EGFR: variants seen among roughly 807,000 people sequenced by gnomAD.
EGFR encodes the protein epidermal growth factor receptor.
In EGFR, 58 loss-of-function variants were observed where a neutral mutation model predicts 143.0. The ratio of observed to expected loss-of-function variants is 0.41; its 90% CI spans 0.33 to 0.50. The LOEUF is 0.50. Among genes scored for constraint, EGFR ranks in the 20% least tolerant of loss-of-function variants. The probability of loss-of-function intolerance (pLI) is 0.39; values close to 1 mark genes in which losing one functional copy is unlikely to be tolerated. For synonymous variants in EGFR, 613 were observed against 594.4 expected (o/e 1.03, Z -0.45); for missense variants, 1,307 against 1,579.0 (o/e 0.83, Z 2.92).
intron 1 of EGFR, chr7:55,119,311 G>A (rs1365455715): frequency 6.6e-6 from 1 of 152,180 alleles, no homozygotes; most frequent in Admixed American, 6.5e-5. Context: ...CTGGATGTCA[G>A]ACTCTCCTGG....
At chr7:55,188,371 A>C (rs1435127992) in intron 20 of EGFR, among the ~76,000 whole-genome samples, 1 of 151,828 alleles carries the variant, frequency 6.6e-6, no homozygotes, top group Non-Finnish European at 1.5e-5. Context: ...AAGGTCAAAC[A>C]CAGCCCCCGC....
intron 22 of EGFR, among the ~76,000 whole-genome samples, chr7:55,198,216 G>A (rs987954347): frequency 1.3e-5 from 2 of 152,102 alleles, no homozygotes; most frequent in Non-Finnish European, 2.9e-5. Context: ...GTTTCTTCCT[G>A]AGGTTTTTAT....
chr7:55,019,896 C>G (rs899342291), intron 1 of EGFR, among the ~76,000 whole-genome samples: 7 of 152,188 alleles, frequency 4.6e-5, no homozygotes, highest in African/African-American at 1.7e-4. Flanking sequence ...CCCCGCGGGA[C>G]AGGCGGCTTT....
intron 20 of EGFR, among the ~76,000 whole-genome samples, chr7:55,188,416 C>A (rs542991648): frequency 2.6e-5 from 4 of 152,200 alleles, no homozygotes; most frequent in Non-Finnish European, 5.9e-5. Flanking sequence ...GAATAAGCCC[C>A]GACAGCCATG....
chr7:55,120,242 G>T (rs756426945), intron 1 of EGFR, among the ~76,000 whole-genome samples: 2 of 152,176 alleles, frequency 1.3e-5, no homozygotes, highest in African/African-American at 4.8e-5. Flanking sequence ...CAGTGTTGGG[G>T]GACGCCACCC....
intron 1 of EGFR, among the ~76,000 whole-genome samples, chr7:55,027,991 A>AAATAAATAT (rs1554311534): frequency 3.6e-5 from 2 of 54,990 alleles, no homozygotes; most frequent in Non-Finnish European, 3.7e-5. Context: ...AAAAAAAAAA[A>AAATAAATAT]ATATATATAT....
At chr7:55,188,619 G>C (rs1316538115) in intron 20 of EGFR, among the ~76,000 whole-genome samples, 1 of 152,212 alleles carries the variant, frequency 6.6e-6, no homozygotes, top group East Asian at 1.9e-4. Context: ...AGGCCCCGCT[G>C]AGGCTTTGTT....
At chr7:55,131,559 G>A (rs1387043694) in intron 1 of EGFR, among the ~76,000 whole-genome samples, 1 of 152,156 alleles carries the variant, frequency 6.6e-6, no homozygotes, top group East Asian at 1.9e-4. Flanking sequence ...AGACCTTAGG[G>A]TCGGCTTAGA....
chr7:55,060,966 T>C (rs555199931), intron 1 of EGFR, among the ~76,000 whole-genome samples: 3 of 152,354 alleles, frequency 2.0e-5, no homozygotes, highest in East Asian at 3.9e-4. Flanking sequence ...CTTTATGTTC[T>C]GCTACCTGCC....
chr7:55,020,113 G>A (rs1040954680), intron 1 of EGFR, among the ~76,000 whole-genome samples: 2 of 152,224 alleles, frequency 1.3e-5, no homozygotes, highest in Non-Finnish European at 2.9e-5. Context: ...TAGTTTCCTC[G>A]TTGGCAAAAG....
chr7:55,086,200 G>T (rs748022459), intron 1 of EGFR, among the ~76,000 whole-genome samples: 5 of 152,192 alleles, frequency 3.3e-5, no homozygotes, highest in Non-Finnish European at 7.3e-5. Context: ...TAAGTAATTT[G>T]CTCGAGTTAA....
intron 1 of EGFR, among the ~76,000 whole-genome samples, chr7:55,116,095 A>C (rs143706430): frequency 6.6e-6 from 1 of 152,370 alleles, no homozygotes; most frequent in East Asian, 1.9e-4. Flanking sequence ...ACCTGAAAAC[A>C]TGCTTTCCCC....
At chr7:55,106,859 T>C (rs983964982) in intron 1 of EGFR, among the ~76,000 whole-genome samples, 2 of 152,198 alleles carry the variant, frequency 1.3e-5, no homozygotes, top group Non-Finnish European at 2.9e-5. Context: ...GAGATCCTGG[T>C]AAAAATCTAT....
At position 55,207,473 on chromosome 7, in the gene EGFR, C is replaced by T. The variant is rs777979455; in HGVS notation, c.*1856C>T. 5.3e-6 allele frequency: 1 copy of T among 187,042 alleles called. No individual in the cohort carries two copies. The highest frequency in any genetic ancestry group is 2.3e-5 in the African/African-American group (1 of 42,728). 11.6% of individuals were successfully genotyped at this position (187,042 alleles called of 1,614,324 possible). ...AGGAAATGGACTCATAGATGCTAACCTTAAAACAACGTGACAAATGCCAGA... is the reference window on the plus strand; with the variant it reads ...AGGAAATGGACTCATAGATGCTAACTTTAAAACAACGTGACAAATGCCAGA... On this transcript the variant is annotated 3_prime_UTR_variant, in exon 28 of 28. Transcript: ENST00000275493.
intron 20 of EGFR, among the ~76,000 whole-genome samples, chr7:55,183,077 C>T (rs556454655): frequency 2.0e-5 from 3 of 152,296 alleles, no homozygotes; most frequent in Admixed American, 1.3e-4. Context: ...TCCTTCCTGC[C>T]TCTCTGGCTT....
intron 1 of EGFR, among the ~76,000 whole-genome samples, chr7:55,035,023 C>A (rs1029493806): frequency 2.6e-5 from 4 of 152,162 alleles, no homozygotes; most frequent in Non-Finnish European, 4.4e-5. Flanking sequence ...TGGCATGTGA[C>A]ACACTTGAGA....
At chr7:55,065,240 A>T (rs1359681638) in intron 1 of EGFR, among the ~76,000 whole-genome samples, 2 of 152,172 alleles carry the variant, frequency 1.3e-5, no homozygotes, top group Admixed American at 6.5e-5. Context: ...TTTAATGCAT[A>T]AACACTGAGA....
intron 1 of EGFR, among the ~76,000 whole-genome samples, chr7:55,131,675 A>G (rs764216939): frequency 6.6e-6 from 1 of 152,126 alleles, no homozygotes; most frequent in Non-Finnish European, 1.5e-5. Flanking sequence ...CAGCAATTCA[A>G]TTCACTGGCT....
At chr7:55,042,672 T>G (rs532685474) in intron 1 of EGFR, among the ~76,000 whole-genome samples, 1 of 152,234 alleles carries the variant, frequency 6.6e-6, no homozygotes, top group South Asian at 2.1e-4. Flanking sequence ...CCAGGTGATT[T>G]TTTTAATTAT....
Sources: allele counts gnomAD v4.1 joint callset (sites outside exome capture counted in the v4.1 genomes callset), GRCh38; gene constraint gnomAD v4.1.1; transcripts MANE v1.5; gene names NCBI Gene and HGNC (gene_info 2026-07-23, HGNC 2026-07-21).